KCNH6: variants seen among roughly 807,000 people sequenced by gnomAD.
The protein encoded by KCNH6 is potassium voltage-gated channel subfamily H member 6.
Under a neutral mutation model 83.4 loss-of-function variants are expected in KCNH6, and 81 were observed. That is an observed-to-expected ratio of 0.97 (90% CI 0.81 to 1.17). The LOEUF (loss-of-function observed/expected upper bound fraction) is 1.17. Among genes scored for constraint, KCNH6 ranks in the 50% most tolerant of loss-of-function variants. The pLI is 0.00. For missense variants in KCNH6, 1,203 were observed against 1,290.5 expected, an observed-to-expected ratio of 0.93 and a Z score of 1.04; for synonymous variants, 503 against 545.6, an observed-to-expected ratio of 0.92 and a Z score of 1.09.
intron 10 of KCNH6, chr17:63,543,954 C>A: frequency 1.0e-6 from 1 of 955,264 alleles, no homozygotes; most frequent in Non-Finnish European, 1.6e-6. Flanking sequence ...TCAGGGGGGC[C>A]ACTGGGCTGC....
intron 2 of KCNH6, among the ~76,000 whole-genome samples, chr17:63,528,409 C>T (rs969352524): frequency 3.9e-5 from 6 of 152,186 alleles, no homozygotes; most frequent in South Asian, 2.1e-4. Flanking sequence ...AAATCCAATA[C>T]GAGAGATTCC....
intron 2 of KCNH6, among the ~76,000 whole-genome samples, chr17:63,528,482 T>C (rs1048109648): frequency 6.6e-6 from 1 of 152,148 alleles, no homozygotes; most frequent in Non-Finnish European, 1.5e-5. Flanking sequence ...CCAGCTCTGA[T>C]GGCTGTGAGG....
At chr17:63,543,128 G>C (rs1298644930) in intron 9 of KCNH6, among the ~76,000 whole-genome samples, 2 of 152,226 alleles carry the variant, frequency 1.3e-5, no homozygotes, top group Admixed American at 1.3e-4. Flanking sequence ...GAAACACAGA[G>C]CCCGGGCTAT....
At chr17:63,544,140 C>T (rs374536983) in intron 10 of KCNH6, 109 bp from the exon 11 acceptor site, 61 of 1,599,312 alleles carry the variant, frequency 3.8e-5, no homozygotes, top group Non-Finnish European at 4.9e-5. Flanking sequence ...CCACTCCTCA[C>T]ACCCTGTGTC....
At position 63,534,046 on chromosome 17, in the gene KCNH6, C is replaced by A. The variant is rs780322362; in HGVS notation, c.836C>A (p.Ala279Asp). 3 of 1,614,204 alleles carry A rather than the reference C, an allele frequency of 1.9e-6. No homozygotes were observed. The East Asian group carries it at 6.7e-5, about 36-fold the overall frequency. Residue 279 changes from alanine (A) to aspartate (D), a missense_variant, in exon 5 of 13, where the codon GCC becomes GAC. Coordinates refer to ENST00000314672, the MANE Select transcript of KCNH6 (RefSeq NM_001278919.2). The surrounding 1 kb of genome is among the most constrained non-coding windows in gnomAD (Gnocchi z 5.0). Reference sequence around the variant, plus strand: ...GCTGTCTTCACGCCCTACTCAGCCGCCTTCCTGCTCAGCGATCAGGACGAA... The same window carrying A: ...GCTGTCTTCACGCCCTACTCAGCCGACTTCCTGCTCAGCGATCAGGACGAA... The part of the protein sequence containing the change: ...YTAVFTPYSA[A>D]FLLSDQDESR...
chr17:63,534,248 C>A lies in KCNH6; in HGVS notation c.1038C>A (p.Phe346Leu). The change falls in exon 5 of 13, where the codon TTC becomes TTA. Residue 346 changes from phenylalanine (F) to leucine (L), a missense_variant. Coordinates refer to ENST00000314672, the MANE Select transcript of KCNH6 (RefSeq NM_001278919.2). This position sits in a 1 kb window ranked among gnomAD's most constrained non-coding sequence, Gnocchi z 5.0. ...CCGTCCACTACTTCAAGGGCTGGTT[C>A]CTCATTGACATGGTGGCCGCCATCC... is the stretch of plus-strand genomic sequence containing the variant. Reference protein sequence around the residue: ...RIAVHYFKGWFLIDMVAAIPF... With the variant: ...RIAVHYFKGWLLIDMVAAIPF... 1 of 1,614,134 alleles carries A rather than the reference C, an allele frequency of 6.2e-7. No homozygotes were observed. Among genetic ancestry groups the A allele is most frequent in the South Asian group, 1.1e-5 (1 of 91,082 alleles).
chr17:63,525,334 G>C (rs2031636410), intron 2 of KCNH6, among the ~76,000 whole-genome samples: 3 of 152,176 alleles, frequency 2.0e-5, no homozygotes, highest in Admixed American at 6.5e-5. Flanking sequence ...CCAAGTCTCT[G>C]GATTCCTCCC....
At chr17:63,528,291 A>G (rs1388161257) in intron 2 of KCNH6, among the ~76,000 whole-genome samples, 1 of 152,100 alleles carries the variant, frequency 6.6e-6, no homozygotes, top group Admixed American at 6.5e-5. Flanking sequence ...CTATAGCACT[A>G]TGTGCCCAGG....
intron 4 of KCNH6, among the ~76,000 whole-genome samples, chr17:63,531,139 G>A (rs924965393): frequency 6.6e-6 from 1 of 152,198 alleles, no homozygotes; most frequent in African/African-American, 2.4e-5. Context: ...GCCACCCCAA[G>A]GCAGGCTTCC....
chr17:63,540,829 G>A (rs534699125), intron 8 of KCNH6, among the ~76,000 whole-genome samples: 47 of 152,306 alleles, frequency 3.1e-4, no homozygotes, highest in Admixed American at 1.1e-3. Context: ...GTGGCACCCC[G>A]GCCCTGGGCT....
intron 8 of KCNH6, among the ~76,000 whole-genome samples, chr17:63,540,464 T>A (rs1224465664): frequency 6.6e-6 from 1 of 151,916 alleles, no homozygotes; most frequent in Non-Finnish European, 1.5e-5. Context: ...ATGGGAGGGA[T>A]GATTATTATT....
intron 2 of KCNH6, among the ~76,000 whole-genome samples, chr17:63,528,005 A>G (rs2031831201): frequency 6.6e-6 from 1 of 152,160 alleles, no homozygotes; most frequent in Non-Finnish European, 1.5e-5. Context: ...AGTAACATCA[A>G]TTGCTGGGTG....
chr17:63,530,325 C>A lies in KCNH6; in HGVS notation c.470-12C>A. 6.2e-7 allele frequency: 1 copy of A among 1,614,128 alleles called. No homozygotes were observed. Among genetic ancestry groups the A allele is most frequent in the Non-Finnish European group, 8.5e-7 (1 of 1,179,984 alleles). On this transcript the variant is annotated splice_polypyrimidine_tract_variant and intron_variant, in intron 3 of 12. Coordinates refer to ENST00000314672, the MANE Select transcript of KCNH6 (RefSeq NM_001278919.2). The stretch of plus-strand genomic sequence containing the variant: ...TGGCCGTGGCTGCTCTGACTCCTGG[C>A]CCTGGTTTCAGAGGGCTCTCATGGC...
intron 10 of KCNH6, 87 bp downstream of exon 10, chr17:63,543,747 C>G (rs2033001554): frequency 4.9e-6 from 4 of 823,104 alleles, no homozygotes; most frequent in Non-Finnish European, 8.4e-6. Flanking sequence ...CCTGCCTCCC[C>G]AGCGCCACCC....
Position 63,530,493 on chromosome 17 carries a change from C to T in KCNH6, c.626C>T (p.Pro209Leu), listed in dbSNP as rs2032030024. 1.2e-6 allele frequency: 2 copies of T among 1,614,200 alleles called. No individual in the cohort carries two copies. The highest frequency in any genetic ancestry group is 1.1e-5 in the South Asian group (1 of 91,088). Residue 209 changes from proline to leucine, a missense_variant, in exon 4 of 13, where the codon CCC becomes CTC. Coordinates refer to ENST00000314672, the MANE Select transcript of KCNH6 (RefSeq NM_001278919.2). The stretch of plus-strand genomic sequence containing the variant: ...ACCACGGAGATTGAGATCATCGCGC[C>T]CCATAAGGTGGTGGAGCGGACACAG... ...SSTTEIEIIAPHKVVERTQNV... is the reference protein window; with the variant it reads ...SSTTEIEIIALHKVVERTQNV...
intron 2 of KCNH6, among the ~76,000 whole-genome samples, chr17:63,525,742 G>C (rs2031670345): frequency 6.6e-6 from 1 of 152,178 alleles, no homozygotes; most frequent in Non-Finnish European, 1.5e-5. Flanking sequence ...GGCAGCGGCA[G>C]CCAGGAAGGG....
Position 63,538,505 on chromosome 17 carries a change from C to CA in KCNH6, c.1799dup (p.Cys602LeufsTer54). 4 of 1,603,096 alleles carry CA rather than the reference C, an allele frequency of 2.5e-6. No individual in the cohort carries two copies. Among genetic ancestry groups the CA allele is most frequent in the Non-Finnish European group, 3.4e-6 (4 of 1,175,466 alleles). Reference sequence around the variant, plus strand: ...ACTGCCCAGCTTTCAGCGGCGCCGGCAAGGGCTGCCTGCGCGCGCTAGCCG... The same window carrying CA: ...ACTGCCCAGCTTTCAGCGGCGCCGGCAAAGGGCTGCCTGCGCGCGCTAGCCG... On this transcript the variant is annotated frameshift_variant, in exon 8 of 13. Transcript: ENST00000314672. LOFTEE classifies it high-confidence loss of function. This position sits in a 1 kb window ranked among gnomAD's most constrained non-coding sequence, Gnocchi z 4.0.
At chr17:63,530,888 A>G (rs546932379) in intron 4 of KCNH6, among the ~76,000 whole-genome samples, 37 of 152,264 alleles carry the variant, frequency 2.4e-4, no homozygotes, top group African/African-American at 8.9e-4. Context: ...GTCACAGGGA[A>G]GGAGAGGCAG....
chr17:63,544,403 G>C lies in KCNH6; in HGVS notation c.2388G>C (p.Gln796His). Residue 796 changes from glutamine to histidine, a missense_variant, in exon 11 of 13, where the codon CAG becomes CAC. Transcript: ENST00000314672. ...LGSRLEQLQA[Q>H]MNRLESRVSS... ...CCAGGCTAGAGCAGCTCCAGGCCCA[G>C]ATGAACAGGTGTGTGTGCTGTGGTC... is the stretch of plus-strand genomic sequence containing the variant. The C allele has an allele frequency of 6.3e-7, 1 of 1,578,676 alleles. No individual in the cohort carries two copies.
Sources: allele counts gnomAD v4.1 joint callset (sites outside exome capture counted in the v4.1 genomes callset), GRCh38; gene constraint gnomAD v4.1.1; non-coding constraint Gnocchi (gnomAD v3.1); transcripts MANE v1.5; gene names NCBI Gene and HGNC (gene_info 2026-07-23, HGNC 2026-07-21).